The following STK32B variants were observed in gnomAD, a reference collection of about 807,000 sequenced individuals.
The protein encoded by STK32B is serine/threonine-protein kinase 32B.
STK32B carries 43 observed loss-of-function variants against 52.6 expected under a neutral mutation model. That is an observed-to-expected ratio of 0.82 (90% CI 0.64 to 1.05). STK32B has a LOEUF of 1.05. Among genes scored for constraint, STK32B ranks in the 50% least tolerant of loss-of-function variants. The pLI is 0.00. For missense variants in STK32B, 621 were observed against 534.6 expected (o/e 1.16, Z -1.59); for synonymous variants, 238 against 204.3 (o/e 1.17, Z -1.41).
chr4:5,259,196 ATATATT>A (rs1276143306), intron 3 of STK32B, among the ~76,000 whole-genome samples: 4 of 152,140 alleles, frequency 2.6e-5, no homozygotes, highest in African/African-American at 7.2e-5. Flanking sequence ...AATCAACATT[ATATATT>A]TATATTTATG....
the STK32B span, among the ~76,000 whole-genome samples, chr4:5,025,705 T>A: frequency 4.6e-5 from 7 of 152,212 alleles, no homozygotes; most frequent in African/African-American, 1.7e-4. Flanking sequence ...GGGCTTGCTC[T>A]CAAAGAAACG....
intron 11 of STK32B, among the ~76,000 whole-genome samples, chr4:5,496,893 C>G (rs929664964): frequency 6.6e-6 from 1 of 151,370 alleles, no homozygotes; most frequent in African/African-American, 2.4e-5. Context: ...TTATGTCAGA[C>G]TAGCTAAGGA....
At chr4:5,446,901 C>G in intron 7 of STK32B, 125 bp downstream of exon 7, 1 of 848,172 alleles carries the variant, frequency 1.2e-6, no homozygotes, top group Non-Finnish European at 1.9e-6. Context: ...CACTGCCCCC[C>G]AGGTTTCAGT....
the STK32B span, among the ~76,000 whole-genome samples, chr4:5,040,355 T>C: frequency 6.6e-6 from 1 of 151,772 alleles, no homozygotes; most frequent in Non-Finnish European, 1.5e-5. Flanking sequence ...AAGTGACTTC[T>C]CTCAGTGCAC....
chr4:5,052,813 C>T (rs1741842912), intron 1 of STK32B, among the ~76,000 whole-genome samples: 1 of 152,148 alleles, frequency 6.6e-6, no homozygotes, highest in East Asian at 1.9e-4. Context: ...TGTGCTGACT[C>T]GCCAGTCTCC....
chr4:5,029,901 G>C, the STK32B span, among the ~76,000 whole-genome samples: 1 of 152,162 alleles, frequency 6.6e-6, no homozygotes, highest in Non-Finnish European at 1.5e-5. Context: ...TTGAATTATG[G>C]GAGTGGTTTC....
intron 3 of STK32B, among the ~76,000 whole-genome samples, chr4:5,260,149 G>A (rs1444053210): frequency 2.6e-5 from 4 of 152,178 alleles, no homozygotes; most frequent in East Asian, 1.9e-4. Flanking sequence ...ACAGCTTCAC[G>A]AGATTTTCTG....
the STK32B span, among the ~76,000 whole-genome samples, chr4:5,025,772 T>A: frequency 6.6e-6 from 1 of 152,236 alleles, no homozygotes; most frequent in East Asian, 1.9e-4. Flanking sequence ...AAACTCAGAC[T>A]ATGGTACTGG....
chr4:5,355,784 C>T (rs924219884), intron 4 of STK32B, among the ~76,000 whole-genome samples: 1 of 152,158 alleles, frequency 6.6e-6, no homozygotes, highest in East Asian at 1.9e-4. Context: ...AGATATGATA[C>T]CTGAATCCTT....
At chr4:5,326,251 G>A (rs1432063143) in intron 3 of STK32B, among the ~76,000 whole-genome samples, 2 of 152,198 alleles carry the variant, frequency 1.3e-5, no homozygotes, top group Admixed American at 6.5e-5. Flanking sequence ...TTGTGCATCT[G>A]TAGTCGGCAT....
At chr4:5,309,090 C>T (rs931622061) in intron 3 of STK32B, among the ~76,000 whole-genome samples, 1 of 151,950 alleles carries the variant, frequency 6.6e-6, no homozygotes, top group Admixed American at 6.6e-5. Context: ...AATAGCATTT[C>T]TATACACCAA....
chr4:5,333,833 A>C (rs922719073), intron 4 of STK32B, among the ~76,000 whole-genome samples: 1 of 152,242 alleles, frequency 6.6e-6, no homozygotes, highest in Admixed American at 6.5e-5. Context: ...CCATTGATGT[A>C]TATCTCTCTT....
chr4:5,330,455 A>T (rs375290499), intron 3 of STK32B, among the ~76,000 whole-genome samples: 4 of 152,200 alleles, frequency 2.6e-5, no homozygotes, highest in African/African-American at 9.6e-5. Flanking sequence ...ACAAAATACC[A>T]CCCTAAAACT....
At chr4:5,338,475 A>G (rs758122634) in intron 4 of STK32B, among the ~76,000 whole-genome samples, 2 of 152,210 alleles carry the variant, frequency 1.3e-5, no homozygotes, top group Non-Finnish European at 2.9e-5. Context: ...AGAGTTCTTT[A>G]CAGATCAGTT....
intron 4 of STK32B, among the ~76,000 whole-genome samples, chr4:5,374,243 C>G (rs1332327752): frequency 1.3e-5 from 2 of 152,174 alleles, no homozygotes; most frequent in East Asian, 3.8e-4. Flanking sequence ...CAGTCATGGT[C>G]ATTTGTTACA....
At chr4:5,426,381 A>C (rs1480933323) in intron 6 of STK32B, among the ~76,000 whole-genome samples, 12 of 152,120 alleles carry the variant, frequency 7.9e-5, no homozygotes, top group Admixed American at 6.5e-4. Flanking sequence ...TGTGTGGAAT[A>C]TATGTTCAAA....
the STK32B span, among the ~76,000 whole-genome samples, chr4:5,022,686 G>A: frequency 2.0e-4 from 30 of 152,364 alleles, no homozygotes; most frequent in African/African-American, 6.0e-4. Flanking sequence ...CAGAGTTAAC[G>A]AGCAGGTGAA....
chr4:5,384,518 G>C (rs181914795), intron 4 of STK32B, among the ~76,000 whole-genome samples: 2 of 152,296 alleles, frequency 1.3e-5, no homozygotes, highest in East Asian at 1.9e-4. Context: ...GACACTGTTA[G>C]GGATTGGGGA....
upstream of STK32B, among the ~76,000 whole-genome samples, chr4:5,048,586 C>T (rs141934855): frequency 3.3e-3 from 506 of 152,298 alleles, 2 homozygotes; most frequent in African/African-American, 0.011. Flanking sequence ...TGTGAGCCAC[C>T]GTGCCTGGCC....
Sources: gnomAD v4.1 joint callset for allele counts (sites outside exome capture counted in the v4.1 genomes callset) on GRCh38, gnomAD v4.1.1 for gene constraint, MANE v1.5 for transcripts, NCBI Gene and HGNC (gene_info 2026-07-23, HGNC 2026-07-21) for gene names.